SDK1: variants seen among roughly 807,000 people sequenced by gnomAD.
The protein encoded by SDK1 is sidekick cell adhesion molecule 1, also known as protein sidekick-1.
SDK1 carries 157 observed loss-of-function variants against 245.5 expected under a neutral mutation model. That is an observed-to-expected ratio of 0.64 (90% confidence interval 0.56 to 0.73). The LOEUF (loss-of-function observed/expected upper bound fraction) is 0.73. Among genes scored for constraint, SDK1 ranks in the 30% least tolerant of loss-of-function variants. SDK1 has a pLI of 0.00. For synonymous variants in SDK1, 1,647 were observed against 1,278.5 expected (o/e 1.29, Z -6.15); for missense variants, 3,583 against 3,002.3 (o/e 1.19, Z -4.52).
At chr7:3,591,582 A>G (rs1273405820) in intron 1 of SDK1, among the ~76,000 whole-genome samples, 1 of 152,240 alleles carries the variant, frequency 6.6e-6, no homozygotes, top group Non-Finnish European at 1.5e-5. Context: ...CTTCCTTTGA[A>G]AGAACATGCG....
intron 1 of SDK1, among the ~76,000 whole-genome samples, chr7:3,617,699 C>G (rs1011594482): frequency 4.6e-5 from 7 of 152,200 alleles, no homozygotes; most frequent in Non-Finnish European, 1.0e-4. Flanking sequence ...GGGGGCCCAA[C>G]TTACCCTTTT....
In SDK1 at chr7:3,414,259, G is replaced by A. The variant is rs7807164; in HGVS notation, c.298+112375G>A. On this transcript the variant is annotated intron_variant, in intron 1 of 44. Transcript: ENST00000404826. ...TGCGGAGGAGGAGGAGAAATTTGAA[G>A]GGTCCTAGGGCATTTTCTGAGACGA... Among the ~76,000 whole-genome samples, 1,181 of 152,186 alleles carry A rather than the reference G, an allele frequency of 7.8e-3. 16 individuals are homozygous for A. Among genetic ancestry groups the A allele is most frequent in the African/African-American group, 0.028 (1,150 of 41,516 alleles).
intron 5 of SDK1, among the ~76,000 whole-genome samples, chr7:3,822,467 A>C (rs1779669217): frequency 6.6e-6 from 1 of 152,154 alleles, no homozygotes; most frequent in African/African-American, 2.4e-5. Flanking sequence ...TTCCCCTGCA[A>C]GTGATTTGAA....
chr7:3,967,461 G>C, intron 10 of SDK1, 27 bp downstream of exon 10: 1 of 1,380,298 alleles, frequency 7.2e-7, no homozygotes, highest in Non-Finnish European at 1.0e-6. Context: ...GCCCACAACA[G>C]CATGGCCCAT....
At chr7:3,703,141 G>A (rs1413965604) in intron 4 of SDK1, among the ~76,000 whole-genome samples, 1 of 151,102 alleles carries the variant, frequency 6.6e-6, no homozygotes, top group Non-Finnish European at 1.5e-5. Context: ...ATGAAAACCT[G>A]TGTCTACACA....
intron 4 of SDK1, among the ~76,000 whole-genome samples, chr7:3,679,722 G>C (rs887095577): frequency 6.6e-6 from 1 of 152,188 alleles, no homozygotes; most frequent in Non-Finnish European, 1.5e-5. Flanking sequence ...CTACCTATCA[G>C]AATAGCTAAA....
intron 5 of SDK1, among the ~76,000 whole-genome samples, chr7:3,944,978 A>G (rs2128122897): frequency 6.6e-6 from 1 of 152,260 alleles, no homozygotes; most frequent in Non-Finnish European, 1.5e-5. Flanking sequence ...TTGTATAAAG[A>G]ACAGTCTATG....
chr7:3,328,173 T>C (rs1382515740), intron 1 of SDK1, among the ~76,000 whole-genome samples: 3 of 152,162 alleles, frequency 2.0e-5, no homozygotes, highest in African/African-American at 7.2e-5. Flanking sequence ...TTATAACTGT[T>C]GAACAAAGAG....
chr7:3,509,831 C>G (rs1236208311), intron 1 of SDK1, among the ~76,000 whole-genome samples: 1 of 152,134 alleles, frequency 6.6e-6, no homozygotes, highest in African/African-American at 2.4e-5. Context: ...TACTTAGAGT[C>G]TAAATTATAG....
intron 17 of SDK1, among the ~76,000 whole-genome samples, chr7:4,019,707 C>T (rs1419937459): frequency 6.6e-6 from 1 of 152,064 alleles, no homozygotes; most frequent in Non-Finnish European, 1.5e-5. Context: ...ACCATCCTTC[C>T]CTCACTTGGG....
intron 1 of SDK1, among the ~76,000 whole-genome samples, chr7:3,552,034 C>T (rs978476162): frequency 1.3e-5 from 2 of 151,778 alleles, no homozygotes; most frequent in Non-Finnish European, 2.9e-5. Flanking sequence ...TTTTACTCTT[C>T]TTCTTCTTCT....
intron 5 of SDK1, among the ~76,000 whole-genome samples, chr7:3,894,455 G>A (rs1781545046): frequency 6.6e-6 from 1 of 151,920 alleles, no homozygotes; most frequent in Non-Finnish European, 1.5e-5. Context: ...GGTGGTGGGG[G>A]AGTGGGCTTT....
chr7:4,163,593 T>G (rs1312979678), intron 32 of SDK1, among the ~76,000 whole-genome samples: 2 of 152,148 alleles, frequency 1.3e-5, no homozygotes, highest in Non-Finnish European at 1.5e-5. Context: ...TGGCTTCACT[T>G]TGCAGCACGG....
At chr7:3,967,067 C>G (rs552439258) in intron 9 of SDK1, among the ~76,000 whole-genome samples, 2 of 152,304 alleles carry the variant, frequency 1.3e-5, no homozygotes, top group South Asian at 4.1e-4. Flanking sequence ...CTTCCTGGGC[C>G]CCTGCACGTT....
chr7:3,950,165 A>G (rs368606717), intron 5 of SDK1, among the ~76,000 whole-genome samples: 2 of 152,228 alleles, frequency 1.3e-5, no homozygotes, highest in South Asian at 4.1e-4. Flanking sequence ...CCCGGTAACC[A>G]TGCCCGGTAG....
intron 1 of SDK1, among the ~76,000 whole-genome samples, chr7:3,438,849 ATTTTTT>A (rs527596036): frequency 0.41 from 53,120 of 131,030 alleles, 10,794 homozygotes; most frequent in Admixed American, 0.51. Context: ...TTGTATTAAT[ATTTTTT>A]TTTTTTTTTT....
At chr7:3,568,041 A>T (rs983724646) in intron 1 of SDK1, among the ~76,000 whole-genome samples, 2 of 152,056 alleles carry the variant, frequency 1.3e-5, no homozygotes, top group African/African-American at 4.8e-5. Context: ...GGCTGGTCTC[A>T]AACTCCTGAG....
intron 4 of SDK1, among the ~76,000 whole-genome samples, chr7:3,728,878 G>A (rs747660640): frequency 1.3e-5 from 2 of 151,998 alleles, no homozygotes; most frequent in Admixed American, 6.6e-5. Context: ...AGTGCTGTGG[G>A]TCCGTGAGCC....
intron 1 of SDK1, among the ~76,000 whole-genome samples, chr7:3,591,610 T>C (rs542043846): frequency 1.3e-4 from 20 of 152,350 alleles, no homozygotes; most frequent in African/African-American, 4.8e-4. Context: ...CCTTTTTAGT[T>C]TATATCTTGG....
Sources: gnomAD v4.1 joint callset for allele counts (sites outside exome capture counted in the v4.1 genomes callset) on GRCh38, gnomAD v4.1.1 for gene constraint, MANE v1.5 for transcripts, NCBI Gene and HGNC (gene_info 2026-07-23, HGNC 2026-07-21) for gene names.